The following GSK3B variants were observed in gnomAD, a reference collection of about 807,000 sequenced individuals.
GSK3B encodes glycogen synthase kinase-3 beta.
In GSK3B, 15 loss-of-function variants were observed where a neutral mutation model predicts 56.4. The observed-to-expected ratio is 0.27, with a 90% CI of 0.18 to 0.41. The LOEUF is 0.41. GSK3B is among the 10% of genes least tolerant of loss of function. The probability of loss-of-function intolerance (pLI) is 1.00; values close to 1 mark genes in which losing one functional copy is unlikely to be tolerated. For missense variants in GSK3B, 300 were observed against 513.4 expected, an observed-to-expected ratio of 0.58 and a Z score of 4.02; for synonymous variants, 181 against 188.9, an observed-to-expected ratio of 0.96 and a Z score of 0.34.
chr3:119,935,704 T>C (rs2056987384), intron 3 of GSK3B, among the ~76,000 whole-genome samples: 3 of 152,076 alleles, frequency 2.0e-5, no homozygotes, highest in South Asian at 4.1e-4. Flanking sequence ...ACAGACTCTT[T>C]CAAAAAACAG....
At chr3:119,933,596 G>A (rs1393469620) in intron 3 of GSK3B, among the ~76,000 whole-genome samples, 2 of 152,118 alleles carry the variant, frequency 1.3e-5, no homozygotes, top group Admixed American at 6.6e-5. Flanking sequence ...CACAGGAGCC[G>A]CCAAGCGCGG....
intron 7 of GSK3B, among the ~76,000 whole-genome samples, chr3:119,905,306 GCATT>G: frequency 6.6e-6 from 1 of 151,828 alleles, no homozygotes; most frequent in Non-Finnish European, 1.5e-5. Context: ...AGACAGGTAG[GCATT>G]CATTCTTTCA....
At chr3:119,994,603 G>A (rs2057597391) in intron 2 of GSK3B, among the ~76,000 whole-genome samples, 1 of 151,996 alleles carries the variant, frequency 6.6e-6, no homozygotes, top group Non-Finnish European at 1.5e-5. Context: ...AGACATCATG[G>A]GTCTCCTGAT....
At chr3:119,940,472 T>C (rs2057037729) in intron 3 of GSK3B, among the ~76,000 whole-genome samples, 1 of 152,092 alleles carries the variant, frequency 6.6e-6, no homozygotes, top group Admixed American at 6.6e-5. Flanking sequence ...TATACATACA[T>C]ACATACAAGT....
At chr3:119,892,977 T>C (rs2056520150) in intron 7 of GSK3B, among the ~76,000 whole-genome samples, 1 of 152,078 alleles carries the variant, frequency 6.6e-6, no homozygotes, top group Non-Finnish European at 1.5e-5. Context: ...TGAAATGTCA[T>C]CTCCTCTGGC....
At chr3:120,082,334 A>G (rs1438433884) in intron 1 of GSK3B, among the ~76,000 whole-genome samples, 2 of 151,190 alleles carry the variant, frequency 1.3e-5, no homozygotes, top group East Asian at 3.9e-4. Context: ...AACCACTAGC[A>G]ACATGTAGCT....
At chr3:119,925,571 C>T (rs148317672) in intron 3 of GSK3B, among the ~76,000 whole-genome samples, 30 of 152,240 alleles carry the variant, frequency 2.0e-4, no homozygotes, top group African/African-American at 6.7e-4. Context: ...AACATCACTA[C>T]ATGTTAAAGC....
Position 120,052,603 on chromosome 3 carries a change from C to T in GSK3B, c.88+40744G>A, listed in dbSNP as rs113999507. ...AAACCACTGTTAACAATCCATGGAC[C>T]TACCTCAGAAAAATAAATCTACTTG... On this transcript the variant is annotated intron_variant, in intron 1 of 10. Transcript: ENST00000264235. Among the ~76,000 whole-genome samples the T allele has an allele frequency of 4.3e-3, 650 of 152,246 alleles. 1 individual carries two copies. Among genetic ancestry groups the T allele is most frequent in the African/African-American group, 0.015 (614 of 41,554 alleles).
At chr3:119,993,179 G>C (rs2057582347) in intron 2 of GSK3B, among the ~76,000 whole-genome samples, 1 of 151,806 alleles carries the variant, frequency 6.6e-6, no homozygotes, top group South Asian at 2.1e-4. Flanking sequence ...AAACGAGCAG[G>C]TATGTGTAAA....
intron 7 of GSK3B, among the ~76,000 whole-genome samples, chr3:119,878,838 A>C (rs1352532521): frequency 6.6e-6 from 1 of 152,172 alleles, no homozygotes. Flanking sequence ...CAAAAAGAGT[A>C]CCTAAAGTAT....
intron 10 of GSK3B, among the ~76,000 whole-genome samples, chr3:119,833,246 G>A (rs1277856891): frequency 6.6e-6 from 1 of 151,430 alleles, no homozygotes; most frequent in Non-Finnish European, 1.5e-5. Flanking sequence ...ACTGCCAAAG[G>A]ATTTAAATAA....
chr3:119,929,248 C>T (rs983786041), intron 3 of GSK3B, among the ~76,000 whole-genome samples: 8 of 152,138 alleles, frequency 5.3e-5, no homozygotes, highest in Non-Finnish European at 7.4e-5. Flanking sequence ...AAAAGGATTG[C>T]TGTATTAAAT....
intron 3 of GSK3B, among the ~76,000 whole-genome samples, chr3:119,923,960 T>C (rs879426786): frequency 3.3e-5 from 5 of 152,130 alleles, no homozygotes; most frequent in Admixed American, 3.3e-4. Context: ...TCAACTACAA[T>C]ATGAAAAGTC....
At chr3:120,057,711 T>C (rs1163877751) in intron 1 of GSK3B, among the ~76,000 whole-genome samples, 2 of 152,224 alleles carry the variant, frequency 1.3e-5, no homozygotes, top group Non-Finnish European at 2.9e-5. Flanking sequence ...ATTTTAGGTA[T>C]GTTCCAAGCA....
chr3:120,014,530 GAAGA>G (rs1489610538), intron 1 of GSK3B, among the ~76,000 whole-genome samples: 6 of 152,186 alleles, frequency 3.9e-5, no homozygotes, highest in East Asian at 3.9e-4. Flanking sequence ...ATGAAACTAT[GAAGA>G]AAGAAAGGAA....
chr3:120,078,677 C>T (rs1022134348), intron 1 of GSK3B, among the ~76,000 whole-genome samples: 2 of 151,646 alleles, frequency 1.3e-5, no homozygotes, highest in African/African-American at 2.4e-5. Context: ...CTCAGCCTCC[C>T]GTGTAGCTGG....
chr3:120,085,218 A>G (rs1202968869), intron 1 of GSK3B, among the ~76,000 whole-genome samples: 8 of 152,232 alleles, frequency 5.3e-5, no homozygotes, highest in African/African-American at 1.9e-4. Context: ...CGTTATTACC[A>G]TATATTATGA....
chr3:120,044,544 T>C (rs1211409642), intron 1 of GSK3B, among the ~76,000 whole-genome samples: 1 of 152,104 alleles, frequency 6.6e-6, no homozygotes, highest in Non-Finnish European at 1.5e-5. Flanking sequence ...TTTTGACTCT[T>C]AAGTTTATTT....
At chr3:120,057,788 G>A (rs1317285633) in intron 1 of GSK3B, among the ~76,000 whole-genome samples, 1 of 152,020 alleles carries the variant, frequency 6.6e-6, no homozygotes, top group Admixed American at 6.6e-5. Flanking sequence ...CTAAACCTCA[G>A]TTCTCTCATT....
Sources: allele counts gnomAD v4.1 joint callset (sites outside exome capture counted in the v4.1 genomes callset), GRCh38; gene constraint gnomAD v4.1.1; transcripts MANE v1.5; gene names NCBI Gene and HGNC (gene_info 2026-07-23, HGNC 2026-07-21).